AZIN2: variants seen among roughly 807,000 people sequenced by gnomAD.
AZIN2 encodes the protein antizyme inhibitor 2, also known as ODC antizyme inhibitor-2.
In AZIN2, 28 loss-of-function variants were observed where a neutral mutation model predicts 47.8. The ratio of observed to expected loss-of-function variants is 0.59; its 90% CI spans 0.43 to 0.80. AZIN2 has a LOEUF of 0.80. AZIN2 is among the 30% of genes least tolerant of loss of function. AZIN2 has a pLI of 0.00. For missense variants in AZIN2, 535 were observed against 582.5 expected (o/e 0.92, Z 0.84); for synonymous variants, 221 against 239.4 (o/e 0.92, Z 0.71).
chr1:33,162,415 C>T, the AZIN2 span, among the ~76,000 whole-genome samples: 1 of 152,204 alleles, frequency 6.6e-6, no homozygotes, highest in African/African-American at 2.4e-5. Context: ...CTTGGATGTT[C>T]CCAGAGCCTT....
chr1:33,143,358 T>A, the AZIN2 span: 4 of 152,192 alleles, frequency 2.6e-5, no homozygotes, highest in African/African-American at 9.7e-5. Flanking sequence ...GAGGGGGTGC[T>A]CCGACCCCAG....
chr1:33,096,786 G>A lies in AZIN2; in HGVS notation c.833G>A (p.Arg278His), dbSNP rs754794309. Residue 278 changes from arginine (R) to histidine (H), a missense_variant, in exon 9 of 12, where the codon CGC (arginine) becomes CAC (histidine). Coordinates refer to ENST00000294517, the MANE Select transcript of AZIN2 (RefSeq NM_052998.4). ...GTGGACATCTTTGCTGAGCTGGGGC[G>A]CTACTACGTGACCTCGGCCTTCACT... ...CGVDIFAELG[R>H]YYVTSAFTVA... The A allele has an allele frequency of 2.4e-5, 39 of 1,614,104 alleles. No individual in the cohort carries two copies. Among genetic ancestry groups the A allele is most frequent in the Non-Finnish European group, 3.1e-5 (36 of 1,180,054 alleles).
the AZIN2 span, among the ~76,000 whole-genome samples, chr1:33,140,876 T>G: frequency 6.6e-6 from 1 of 152,174 alleles, no homozygotes; most frequent in African/African-American, 2.4e-5. The surrounding 1 kb of genome is among the most constrained non-coding windows in gnomAD (Gnocchi z 4.0). Flanking sequence ...CTCTCTCCCC[T>G]TCTCCTTCTG....
At chr1:33,111,892 G>A (rs1285189406) in intron 10 of AZIN2, among the ~76,000 whole-genome samples, 3 of 152,052 alleles carry the variant, frequency 2.0e-5, no homozygotes, top group African/African-American at 4.8e-5. Context: ...CGTGAACCAC[G>A]GCGCCCGGCC....
chr1:33,133,899 A>G, the AZIN2 span, among the ~76,000 whole-genome samples: 3 of 152,324 alleles, frequency 2.0e-5, no homozygotes, highest in African/African-American at 7.2e-5. Flanking sequence ...TGTGGACCCA[A>G]AGGGAGAGAT....
downstream of AZIN2, among the ~76,000 whole-genome samples, chr1:33,124,753 G>C (rs1372956946): frequency 6.6e-6 from 1 of 152,088 alleles, no homozygotes; most frequent in East Asian, 1.9e-4. The surrounding 1 kb of genome is among the most constrained non-coding windows in gnomAD (Gnocchi z 4.6). Flanking sequence ...TCCCACCTAT[G>C]AGTGAGAACA....
chr1:33,165,633 A>G, the AZIN2 span: 1 of 1,389,870 alleles, frequency 7.2e-7, no homozygotes, highest in Non-Finnish European at 9.7e-7. The surrounding 1 kb of genome is among the most constrained non-coding windows in gnomAD (Gnocchi z 4.0). Flanking sequence ...AGCCCTGACC[A>G]CTGCCAGGCG....
In AZIN2 at chr1:33,081,975, G is replaced by A. The variant is rs1641311328; in HGVS notation, c.-73+163G>A. 4.4e-6 allele frequency: 2 copies of A among 456,038 alleles called. No individual in the cohort carries two copies. The highest frequency in any genetic ancestry group is 2.1e-5 in the South Asian group (1 of 47,704). 28.2% of individuals were successfully genotyped at this position (456,038 alleles called of 1,614,324 possible). A position where few individuals can be genotyped will look rare whatever the true frequency, so the allele number is the denominator to read the frequency against. ...ATTTTACAGAGGGAGCAACTGACTC[G>A]GAGAGGCAGTGACATTTGGGCATAC... On this transcript the variant is annotated intron_variant, in intron 3 of 11. Transcript: ENST00000294517. This position sits in a 1 kb window ranked among gnomAD's most constrained non-coding sequence, Gnocchi z 4.2.
intron 11 of AZIN2, chr1:33,119,686 T>C (rs1221217595): frequency 6.2e-6 from 2 of 321,938 alleles, no homozygotes; most frequent in Non-Finnish European, 1.2e-5. Flanking sequence ...GATGTGATCT[T>C]AGGTAGGTCA....
At chr1:33,083,918 A>C (rs1641576894) in intron 4 of AZIN2, 36 bp from the exon 5 acceptor site, 2 of 1,612,772 alleles carry the variant, frequency 1.2e-6, no homozygotes, top group South Asian at 2.2e-5. Context: ...TGCGAGCTGG[A>C]TGGGGTCTCA....
chr1:33,094,841 G>C, intron 8 of AZIN2, 128 bp downstream of exon 8: 1 of 1,005,196 alleles, frequency 9.9e-7, no homozygotes, highest in Admixed American at 2.4e-5. Context: ...TGCTTACCTG[G>C]GTGATCTCAC....
At chr1:33,152,774 G>T in the AZIN2 span, among the ~76,000 whole-genome samples, 2 of 152,116 alleles carry the variant, frequency 1.3e-5, no homozygotes, top group Non-Finnish European at 2.9e-5. Flanking sequence ...AGAGGGGAGT[G>T]CATTGCTCTG....
intron 5 of AZIN2, among the ~76,000 whole-genome samples, chr1:33,088,870 C>T (rs1241289768): frequency 6.6e-6 from 1 of 152,180 alleles, no homozygotes; most frequent in Non-Finnish European, 1.5e-5. Flanking sequence ...CTTTTTCTTC[C>T]CAGCTCTTAA....
At chr1:33,143,523 A>T in the AZIN2 span, among the ~76,000 whole-genome samples, 1 of 152,136 alleles carries the variant, frequency 6.6e-6, no homozygotes, top group African/African-American at 2.4e-5. Flanking sequence ...GCTGCTCTCC[A>T]TCAGACAATC....
intron 8 of AZIN2, among the ~76,000 whole-genome samples, chr1:33,095,298 T>C (rs566995776): frequency 2.6e-5 from 4 of 152,244 alleles, no homozygotes; most frequent in African/African-American, 7.2e-5. Context: ...CAAAGATGAC[T>C]GTTCTAGCTT....
At chr1:33,089,056 G>A (rs1642245286) in intron 5 of AZIN2, among the ~76,000 whole-genome samples, 1 of 152,252 alleles carries the variant, frequency 6.6e-6, no homozygotes, top group Admixed American at 6.5e-5. Context: ...ACCCGTCAGT[G>A]CAGCATTGAG....
downstream of AZIN2, among the ~76,000 whole-genome samples, chr1:33,123,852 G>T (rs4951791): frequency 6.6e-6 from 1 of 152,166 alleles, no homozygotes; most frequent in Admixed American, 6.5e-5. Context: ...CAAAAAATTA[G>T]CTGGGTGTGG....
the AZIN2 span, among the ~76,000 whole-genome samples, chr1:33,148,320 T>TTTCATGTTTA: frequency 6.6e-6 from 1 of 152,256 alleles, no homozygotes; most frequent in Admixed American, 6.5e-5. Context: ...CCTAACTCCA[T>TTTCATGTTTA]TTCATGTATA....
chr1:33,149,636 A>G, the AZIN2 span, among the ~76,000 whole-genome samples: 28,635 of 144,526 alleles, frequency 0.2, 3,140 homozygotes, highest in South Asian at 0.31. Context: ...TAAATTTTTC[A>G]TAGAGATGAG....
Sources: gnomAD v4.1 joint callset for allele counts (sites outside exome capture counted in the v4.1 genomes callset) on GRCh38, gnomAD v4.1.1 for gene constraint, Gnocchi (gnomAD v3.1) non-coding constraint, MANE v1.5 for transcripts, NCBI Gene and HGNC (gene_info 2026-07-23, HGNC 2026-07-21) for gene names.